FAM110B: variants seen among roughly 807,000 people sequenced by gnomAD.
The protein encoded by FAM110B is family with sequence similarity 110 member B, also known as protein FAM110B.
A neutral mutation model predicts 20.4 loss-of-function variants in FAM110B; 6 were observed. The ratio of observed to expected loss-of-function variants is 0.29; its 90% CI spans 0.16 to 0.58. The LOEUF is 0.58. Ranked by LOEUF, FAM110B falls within the 20% of genes least tolerant of loss-of-function variation. FAM110B has a pLI of 0.90. For missense variants in FAM110B, 434 were observed against 498.2 expected (o/e 0.87, Z 1.23); for synonymous variants, 226 against 214.1 (o/e 1.06, Z -0.49).
rs199508433 is a variant in FAM110B at position 58,025,329 on chromosome 8, GAC to G, written c.-511-6275_-511-6274del. 8.0e-3 allele frequency among the ~76,000 whole-genome samples: 1,221 copies of G among 152,222 alleles called. 7 individuals are homozygous for G. The highest frequency in any genetic ancestry group is 0.018 in the East Asian group (93 of 5,130). ...GAAAGTCTCCAGACTCACAGCAGGA[GAC>G]AGGGGTATTATTTCAGACAGTGGGT... On this transcript the variant is annotated intron_variant, in intron 1 of 3. Coordinates refer to ENST00000519262, the MANE Select transcript of FAM110B (RefSeq NM_001377989.1).
At chr8:58,093,666 T>C (rs1806543637) in intron 3 of FAM110B, among the ~76,000 whole-genome samples, 1 of 152,232 alleles carries the variant, frequency 6.6e-6, no homozygotes, top group Non-Finnish European at 1.5e-5. Context: ...TAGTATAGTT[T>C]GAAGTCAGCT....
chr8:57,995,387 AC>A (rs1423615557), intron 1 of FAM110B, among the ~76,000 whole-genome samples: 4 of 152,024 alleles, frequency 2.6e-5, no homozygotes, highest in South Asian at 4.2e-4. Context: ...GTTTTTGGTT[AC>A]CCCCTCCAGC....
intron 2 of FAM110B, among the ~76,000 whole-genome samples, chr8:58,062,621 A>G (rs1805680185): frequency 6.6e-6 from 1 of 152,238 alleles, no homozygotes; most frequent in African/African-American, 2.4e-5. Flanking sequence ...ATAGGCAGAC[A>G]CACTGAAATA....
intron 2 of FAM110B, among the ~76,000 whole-genome samples, chr8:58,072,467 A>C (rs970708744): frequency 6.6e-6 from 1 of 152,248 alleles, no homozygotes; most frequent in African/African-American, 2.4e-5. Flanking sequence ...CTTCTTTATA[A>C]CAGAATTAAA....
chr8:58,107,442 T>C (rs1211644479), intron 3 of FAM110B, among the ~76,000 whole-genome samples: 2 of 152,168 alleles, frequency 1.3e-5, no homozygotes, highest in East Asian at 3.8e-4. Flanking sequence ...TTAGTGACAG[T>C]TCTAGTCTCT....
intron 2 of FAM110B, among the ~76,000 whole-genome samples, chr8:58,053,074 C>T (rs957849998): frequency 6.6e-6 from 1 of 151,474 alleles, no homozygotes; most frequent in Non-Finnish European, 1.5e-5. Context: ...CGTGAGCCAC[C>T]GCGCCCGGCC....
At position 58,075,553 on chromosome 8, in the gene FAM110B, A is replaced by G. The variant is rs991112479; in HGVS notation, c.-395A>G. 5.9e-5 allele frequency: 9 copies of G among 152,176 alleles called. No individual in the cohort carries two copies. Among genetic ancestry groups the G allele is most frequent in the Non-Finnish European group, 8.8e-5 (6 of 68,036 alleles). 9.4% of individuals were successfully genotyped at this position (152,176 alleles called of 1,614,324 possible). A position where few individuals can be genotyped will look rare whatever the true frequency, so the allele number is the denominator to read the frequency against. ...TTTTTAGCAATTTCCTGCTGCAGAG[A>G]GCATTTTAAGAAAGGACAGCATTCC... is the stretch of plus-strand genomic sequence containing the variant. On this transcript the variant is annotated 5_prime_UTR_variant, in exon 3 of 4. Coordinates refer to ENST00000519262, the MANE Select transcript of FAM110B (RefSeq NM_001377989.1).
At chr8:58,119,479 C>CT (rs1244246065) in intron 3 of FAM110B, among the ~76,000 whole-genome samples, 1 of 152,190 alleles carries the variant, frequency 6.6e-6, no homozygotes, top group Non-Finnish European at 1.5e-5. Context: ...AAAGGCTACA[C>CT]TTTTTAATAC....
At chr8:58,109,524 T>G (rs1323534868) in intron 3 of FAM110B, among the ~76,000 whole-genome samples, 1 of 152,104 alleles carries the variant, frequency 6.6e-6, no homozygotes, top group Non-Finnish European at 1.5e-5. Flanking sequence ...TGCACAAGTT[T>G]TTTTCTTTTT....
chr8:58,067,873 G>A (rs1219872572), intron 2 of FAM110B, among the ~76,000 whole-genome samples: 1 of 152,134 alleles, frequency 6.6e-6, no homozygotes, highest in Non-Finnish European at 1.5e-5. Flanking sequence ...TAGGCCCCCC[G>A]CAGCCAAGTG....
At chr8:58,084,366 C>T (rs1806276385) in intron 3 of FAM110B, among the ~76,000 whole-genome samples, 1 of 151,260 alleles carries the variant, frequency 6.6e-6, no homozygotes, top group South Asian at 2.1e-4. Context: ...TCCTTCCTTC[C>T]AGCAGTGGAC....
At chr8:58,091,555 A>C (rs1012375108) in intron 3 of FAM110B, 1 of 152,106 alleles carries the variant, frequency 6.6e-6, no homozygotes, top group African/African-American at 2.4e-5. Flanking sequence ...TCACAGCATA[A>C]TGAGATCTGT....
In FAM110B at chr8:58,120,064, T is replaced by A. The variant is rs1807318342; in HGVS notation, c.-324-25843T>A. 2.0e-5 allele frequency among the ~76,000 whole-genome samples: 3 copies of A among 152,228 alleles called. No homozygotes were observed. The South Asian group carries it at 6.2e-4, about 32-fold the overall frequency. On this transcript the variant is annotated intron_variant, in intron 3 of 3. Transcript: ENST00000519262. ...AATCGTGTCCTGGACTTAGTGACTC[T>A]GAGGACACCTTCCTCAAGGGCACAT...
At chr8:58,145,675 C>G (rs1318405860) in intron 3 of FAM110B, among the ~76,000 whole-genome samples, 2 of 152,276 alleles carry the variant, frequency 1.3e-5, no homozygotes, top group Non-Finnish European at 2.9e-5. Flanking sequence ...CGTGGGAAAC[C>G]TCAGCCCTTT....
intron 3 of FAM110B, among the ~76,000 whole-genome samples, chr8:58,118,695 A>T (rs549214612): frequency 6.6e-6 from 1 of 152,304 alleles, no homozygotes; most frequent in Non-Finnish European, 1.5e-5. Flanking sequence ...AGCATCTTCC[A>T]GGCCACTTAT....
chr8:58,052,097 T>TA (rs1454844604), intron 2 of FAM110B, among the ~76,000 whole-genome samples: 3 of 152,108 alleles, frequency 2.0e-5, no homozygotes, highest in Non-Finnish European at 2.9e-5. Context: ...ATTTTTAAAA[T>TA]AAAAAATCAA....
chr8:58,041,778 GACTT>G (rs1326898756), intron 2 of FAM110B, among the ~76,000 whole-genome samples: 12 of 152,192 alleles, frequency 7.9e-5, no homozygotes, highest in African/African-American at 2.9e-4. Context: ...GCTAAGTAAG[GACTT>G]ACTTAAAGCT....
chr8:58,110,136 A>C (rs2150618418), intron 3 of FAM110B, among the ~76,000 whole-genome samples: 1 of 152,294 alleles, frequency 6.6e-6, no homozygotes, highest in African/African-American at 2.4e-5. Flanking sequence ...CATGCTATTG[A>C]TTTAGTATTC....
intron 3 of FAM110B, among the ~76,000 whole-genome samples, chr8:58,112,442 A>G (rs747368373): frequency 2.0e-5 from 3 of 152,264 alleles, no homozygotes; most frequent in African/African-American, 4.8e-5. Context: ...AGCCCCTTGT[A>G]TAAAGCAAGA....
Sources: allele counts gnomAD v4.1 joint callset (sites outside exome capture counted in the v4.1 genomes callset), GRCh38; gene constraint gnomAD v4.1.1; transcripts MANE v1.5; gene names NCBI Gene and HGNC (gene_info 2026-07-23, HGNC 2026-07-21).